SLC24A2: variants seen among roughly 807,000 people sequenced by gnomAD.
SLC24A2 encodes solute carrier family 24 member 2, also known as sodium/potassium/calcium exchanger 2.
A neutral mutation model predicts 62.0 loss-of-function variants in SLC24A2; 36 were observed. The observed-to-expected ratio is 0.58, with a 90% CI of 0.44 to 0.77. The LOEUF is 0.77. Among genes scored for constraint, SLC24A2 ranks in the 30% least tolerant of loss-of-function variants. The pLI, the probability that SLC24A2 is intolerant of heterozygous loss-of-function variation, is 0.00. For synonymous variants in SLC24A2, 358 were observed against 294.0 expected (o/e 1.22, Z -2.23); for missense variants, 846 against 817.9 (o/e 1.03, Z -0.42).
At chr9:20,017,969 C>A in the SLC24A2 span, among the ~76,000 whole-genome samples, 1 of 152,142 alleles carries the variant, frequency 6.6e-6, no homozygotes, top group Non-Finnish European at 1.5e-5. Flanking sequence ...TTTTTTTACA[C>A]GGAGTCTCGC....
chr9:19,749,052 C>T (rs1821913168), intron 2 of SLC24A2, among the ~76,000 whole-genome samples: 1 of 149,566 alleles, frequency 6.7e-6, no homozygotes. Flanking sequence ...CCATCATAAG[C>T]CCCTGAGGTT....
rs149104834 is a variant in SLC24A2 at position 19,510,617 on chromosome 9, A to T, written c.*5536T>A. On this transcript the variant is annotated 3_prime_UTR_variant, in exon 11 of 11. Coordinates refer to ENST00000341998, the MANE Select transcript of SLC24A2 (RefSeq NM_020344.4). ...TGGATTAGCGTGATAGGCTAGACAAACCCTCTTAATGGAATTAAATCTTTG... is the reference window on the plus strand; with the variant it reads ...TGGATTAGCGTGATAGGCTAGACAATCCCTCTTAATGGAATTAAATCTTTG... The T allele has an allele frequency of 7.2e-5, 11 of 152,090 alleles. No individual in the cohort carries two copies. The highest frequency in any genetic ancestry group is 2.4e-4 in the African/African-American group (10 of 41,488). The allele number at this position is 152,090 out of a possible 1,614,324, so 9.4% of individuals were successfully genotyped here. A position where few individuals can be genotyped will look rare whatever the true frequency, so the allele number is the denominator to read the frequency against.
At chr9:20,054,244 T>G in the SLC24A2 span, among the ~76,000 whole-genome samples, 1 of 152,154 alleles carries the variant, frequency 6.6e-6, no homozygotes, top group East Asian at 1.9e-4. Flanking sequence ...CAGGCTGGAA[T>G]GCAGTGGTGT....
chr9:20,238,311 AC>A, the SLC24A2 span, among the ~76,000 whole-genome samples: 14 of 152,298 alleles, frequency 9.2e-5, no homozygotes, highest in Non-Finnish European at 1.9e-4. Flanking sequence ...ATGATCAGGC[AC>A]CTTTTGCACA....
At chr9:20,276,981 G>C in the SLC24A2 span, among the ~76,000 whole-genome samples, 9 of 152,212 alleles carry the variant, frequency 5.9e-5, no homozygotes, top group Non-Finnish European at 1.2e-4. Context: ...CTCCTGGCTT[G>C]TGATGGGAAG....
intron 2 of SLC24A2, among the ~76,000 whole-genome samples, chr9:19,648,897 C>G (rs1818717222): frequency 7.0e-6 from 1 of 142,460 alleles, no homozygotes; most frequent in African/African-American, 2.6e-5. Context: ...GGAAATGACT[C>G]AAAGTTATTT....
the SLC24A2 span, among the ~76,000 whole-genome samples, chr9:20,085,622 T>C: frequency 0.022 from 3,408 of 152,332 alleles, 107 homozygotes; most frequent in African/African-American, 0.073. Context: ...ACTCATTCAG[T>C]TCACCATCTC....
intron 4 of SLC24A2, among the ~76,000 whole-genome samples, chr9:19,617,601 C>T (rs1318902797): frequency 6.6e-6 from 1 of 152,162 alleles, no homozygotes; most frequent in Non-Finnish European, 1.5e-5. Context: ...GATCGTCTTG[C>T]ATATCTCCTG....
At chr9:19,889,649 C>T in the SLC24A2 span, among the ~76,000 whole-genome samples, 1 of 152,162 alleles carries the variant, frequency 6.6e-6, no homozygotes, top group South Asian at 2.1e-4. Context: ...ACATTTTATC[C>T]CTTCTTGTTT....
chr9:19,522,790 T>C (rs758284338), intron 9 of SLC24A2, among the ~76,000 whole-genome samples: 21 of 152,238 alleles, frequency 1.4e-4, no homozygotes, highest in Non-Finnish European at 1.6e-4. Flanking sequence ...CTAGGTGATT[T>C]CACTAGTATG....
At chr9:19,943,436 T>C in the SLC24A2 span, among the ~76,000 whole-genome samples, 2 of 152,142 alleles carry the variant, frequency 1.3e-5, no homozygotes, top group Non-Finnish European at 2.9e-5. Flanking sequence ...AACTATTTAT[T>C]TTCATTATAT....
the SLC24A2 span, among the ~76,000 whole-genome samples, chr9:20,170,145 A>G: frequency 2.0e-5 from 3 of 152,038 alleles, no homozygotes; most frequent in South Asian, 6.2e-4. Flanking sequence ...AAGAAAAAAA[A>G]AAAAGAATAA....
rs993212216 is a variant in SLC24A2 at position 19,564,260 on chromosome 9, C to G, written c.1347+9091G>C. Among the ~76,000 whole-genome samples the G allele has an allele frequency of 2.6e-4, 39 of 152,120 alleles. 1 individual carries two copies. The highest frequency in any genetic ancestry group is 6.5e-5 in the Admixed American group (1 of 15,278). ...AAAAGAGAAATTAAAAAACCACACTCACTTCCATCATGTTTCCCCTACTCA... is the reference window on the plus strand; with the variant it reads ...AAAAGAGAAATTAAAAAACCACACTGACTTCCATCATGTTTCCCCTACTCA... On this transcript the variant is annotated intron_variant, in intron 7 of 10. Transcript: ENST00000341998.
chr9:20,195,709 G>C, the SLC24A2 span, among the ~76,000 whole-genome samples: 96 of 152,140 alleles, frequency 6.3e-4, no homozygotes, highest in East Asian at 0.016. Flanking sequence ...CTGATGAACT[G>C]CTCCCTCACT....
the SLC24A2 span, among the ~76,000 whole-genome samples, chr9:20,002,052 A>T: frequency 6.6e-6 from 1 of 152,170 alleles, no homozygotes; most frequent in Non-Finnish European, 1.5e-5. Context: ...CTCAGGGCTG[A>T]GGACTAAAGC....
chr9:19,565,059 G>T (rs1032881785), intron 7 of SLC24A2, among the ~76,000 whole-genome samples: 1 of 152,086 alleles, frequency 6.6e-6, no homozygotes, highest in Admixed American at 6.5e-5. Context: ...GCACAAGACA[G>T]GGATGTCTTC....
At chr9:19,951,349 T>TA in the SLC24A2 span, among the ~76,000 whole-genome samples, 1 of 152,118 alleles carries the variant, frequency 6.6e-6, no homozygotes, top group Non-Finnish European at 1.5e-5. Context: ...AAAAGTTTTT[T>TA]ATTTTTACAA....
intron 4 of SLC24A2, among the ~76,000 whole-genome samples, chr9:19,618,726 C>T (rs548788101): frequency 4.6e-5 from 7 of 152,266 alleles, no homozygotes; most frequent in African/African-American, 1.4e-4. Context: ...TTCAGTGGCA[C>T]GTATCTATTT....
chr9:19,546,719 C>A (rs1834594138), intron 8 of SLC24A2, among the ~76,000 whole-genome samples: 1 of 150,972 alleles, frequency 6.6e-6, no homozygotes, highest in Non-Finnish European at 1.5e-5. Flanking sequence ...GGTGTTCTGG[C>A]ACCACTGAGG....
Sources: allele counts gnomAD v4.1 joint callset (sites outside exome capture counted in the v4.1 genomes callset), GRCh38; gene constraint gnomAD v4.1.1; transcripts MANE v1.5; gene names NCBI Gene and HGNC (gene_info 2026-07-23, HGNC 2026-07-21).